KIRREL3: variants seen among roughly 807,000 people sequenced by gnomAD.
KIRREL3 encodes kirre like nephrin family adhesion molecule 3, also known as kin of IRRE-like protein 3.
KIRREL3 carries 36 observed loss-of-function variants against 89.7 expected under a neutral mutation model. The ratio of observed to expected loss-of-function variants is 0.40; its 90% CI spans 0.31 to 0.53. The LOEUF is 0.53. Ranked by LOEUF, KIRREL3 falls within the 20% of genes least tolerant of loss-of-function variation. The pLI, the probability that KIRREL3 is intolerant of heterozygous loss-of-function variation, is 0.49. For missense variants in KIRREL3, 864 were observed against 1,056.6 expected (o/e 0.82, Z 2.53); for synonymous variants, 445 against 441.4 (o/e 1.01, Z -0.10).
rs1377677106 is a variant in KIRREL3 at position 126,872,631 on chromosome 11, A to G, written c.55+127824T>C. On this transcript the variant is annotated intron_variant, in intron 1 of 16. Coordinates refer to ENST00000525144, the MANE Select transcript of KIRREL3 (RefSeq NM_032531.4). The surrounding 1 kb of genome is among the most constrained non-coding windows in gnomAD (Gnocchi z 4.2). Reference sequence around the variant, plus strand: ...CTTAGGCCTTGTTATCTTTGAAAAAATGCTCCAGAGTGTCTATCTTTTCTT... The same window carrying G: ...CTTAGGCCTTGTTATCTTTGAAAAAGTGCTCCAGAGTGTCTATCTTTTCTT... Among the ~76,000 whole-genome samples the G allele has an allele frequency of 1.3e-5, 2 of 152,192 alleles. No homozygotes were observed. The highest frequency in any genetic ancestry group is 4.8e-5 in the African/African-American group (2 of 41,442).
At chr11:126,552,119 C>A (rs77416691) in intron 2 of KIRREL3, among the ~76,000 whole-genome samples, 1,885 of 152,292 alleles carry the variant, frequency 0.012, 28 homozygotes, top group African/African-American at 0.044. Flanking sequence ...ATTTTATAAC[C>A]CATTTTTCGT....
At chr11:126,923,401 TCTTCTTCTTC>T (rs1947554123) in intron 1 of KIRREL3, among the ~76,000 whole-genome samples, 2 of 144,118 alleles carry the variant, frequency 1.4e-5, no homozygotes, top group African/African-American at 2.6e-5. Context: ...TCTTCTTTCT[TCTTCTTCTTC>T]CTTCTTCTTC....
intron 2 of KIRREL3, among the ~76,000 whole-genome samples, chr11:126,540,626 G>A (rs1019469792): frequency 3.9e-5 from 6 of 152,078 alleles, no homozygotes; most frequent in African/African-American, 7.2e-5. Context: ...TTCTTCCATC[G>A]ATCCAGCCAA....
rs1383075199 is a variant in KIRREL3 at position 126,535,187 on chromosome 11, A to G, written c.134-8500T>C. On this transcript the variant is annotated intron_variant, in intron 2 of 16. Coordinates refer to ENST00000525144, the MANE Select transcript of KIRREL3 (RefSeq NM_032531.4). This position sits in a 1 kb window ranked among gnomAD's most constrained non-coding sequence, Gnocchi z 4.5. ...TGTTTCCCCACCCTCCTCCATCGGG[A>G]CTCCTCCTGACTGCTCTTCCCAAAA... Among the ~76,000 whole-genome samples the G allele has an allele frequency of 6.6e-6, 1 of 151,042 alleles. No individual in the cohort carries two copies. The highest frequency in any genetic ancestry group is 1.5e-5 in the Non-Finnish European group (1 of 67,762).
chr11:126,972,565 G>A (rs921177343), intron 1 of KIRREL3, among the ~76,000 whole-genome samples: 2 of 152,196 alleles, frequency 1.3e-5, no homozygotes, highest in African/African-American at 4.8e-5. Flanking sequence ...ACACAGTCAC[G>A]TTACTGAAGG....
At chr11:126,713,480 T>C (rs1405706759) in intron 1 of KIRREL3, among the ~76,000 whole-genome samples, 1 of 151,970 alleles carries the variant, frequency 6.6e-6, no homozygotes, top group Non-Finnish European at 1.5e-5. Context: ...TCAAGGTATG[T>C]AGGAAGATGG....
In KIRREL3 at chr11:126,490,232, C is replaced by T. The variant is rs552839401; in HGVS notation, c.434-16766G>A. On this transcript the variant is annotated intron_variant, in intron 4 of 16. Coordinates refer to ENST00000525144, the MANE Select transcript of KIRREL3 (RefSeq NM_032531.4). This position sits in a 1 kb window ranked among gnomAD's most constrained non-coding sequence, Gnocchi z 4.2. ...TGTGTGTGTGTGTGTGTGTGTGTGG[C>T]GGGGGCGGGGGAGGCAAGGCAGCTT... Among the ~76,000 whole-genome samples the T allele has an allele frequency of 3.0e-3, 238 of 80,538 alleles. No homozygotes were observed. Among genetic ancestry groups the T allele is most frequent in the Non-Finnish European group, 3.7e-3 (152 of 41,194 alleles). The allele number at this position is 80,538 out of a possible 152,430, so 52.8% of individuals were successfully genotyped here. A position where few individuals can be genotyped will look rare whatever the true frequency, so the allele number is the denominator to read the frequency against.
intron 1 of KIRREL3, among the ~76,000 whole-genome samples, chr11:126,863,330 TG>T (rs1944765504): frequency 6.6e-6 from 1 of 152,102 alleles, no homozygotes; most frequent in African/African-American, 2.4e-5. Context: ...TATGAATATG[TG>T]GGGAGGTGGG....
At position 126,528,359 on chromosome 11, in the gene KIRREL3, A is replaced by T. The variant is rs1003139671; in HGVS notation, c.134-1672T>A. On this transcript the variant is annotated intron_variant, in intron 2 of 16. Coordinates refer to ENST00000525144, the MANE Select transcript of KIRREL3 (RefSeq NM_032531.4). This position sits in a 1 kb window ranked among gnomAD's most constrained non-coding sequence, Gnocchi z 4.6. ...GCTCTCAGCAACAGATGACCCCAAG[A>T]GGGAGACACTTGGTGTGTATCAACC... Among the ~76,000 whole-genome samples, 3 of 152,198 alleles carry T rather than the reference A, an allele frequency of 2.0e-5. No individual in the cohort carries two copies. The highest frequency in any genetic ancestry group is 2.0e-4 in the Admixed American group (3 of 15,284).
Position 126,566,428 on chromosome 11 carries a change from C to A in KIRREL3, c.56-3516G>T, listed in dbSNP as rs1940524809. On this transcript the variant is annotated intron_variant, in intron 1 of 16. Transcript: ENST00000525144. The surrounding 1 kb of genome is among the most constrained non-coding windows in gnomAD (Gnocchi z 4.9). ...GTAGGACCAAGCACAGTGCCTGACA[C>A]ATGGTAAGTGCTCAGGAACAGTCTG... is the stretch of plus-strand genomic sequence containing the variant. Among the ~76,000 whole-genome samples the A allele has an allele frequency of 6.6e-6, 1 of 152,180 alleles. No homozygotes were observed. The highest frequency in any genetic ancestry group is 6.5e-5 in the Admixed American group (1 of 15,284).
rs1481559746 is a variant in KIRREL3 at position 126,622,898 on chromosome 11, C to T, written c.56-59986G>A. Among the ~76,000 whole-genome samples the T allele has an allele frequency of 4.6e-5, 7 of 152,152 alleles. No individual in the cohort carries two copies. Among genetic ancestry groups the T allele is most frequent in the Non-Finnish European group, 7.3e-5 (5 of 68,038 alleles). On this transcript the variant is annotated intron_variant, in intron 1 of 16. Transcript: ENST00000525144. This position sits in a 1 kb window ranked among gnomAD's most constrained non-coding sequence, Gnocchi z 5.2. ...TTTTCATCCTTATGAAAAGCAGATA[C>T]TATCATTAGCTACATTTCATAATGA... is the stretch of plus-strand genomic sequence containing the variant.
chr11:126,650,814 G>A (rs1385172872), intron 1 of KIRREL3, among the ~76,000 whole-genome samples: 1 of 152,084 alleles, frequency 6.6e-6, no homozygotes. Flanking sequence ...CCAATTTACT[G>A]TATTAGTCTG....
At position 126,443,888 on chromosome 11, in the gene KIRREL3, G is replaced by C. The variant is rs780106216; in HGVS notation, c.1252+1091C>G. Among the ~76,000 whole-genome samples the C allele has an allele frequency of 2.6e-5, 4 of 152,148 alleles. No individual in the cohort carries two copies. Among genetic ancestry groups the C allele is most frequent in the Non-Finnish European group, 1.5e-5 (1 of 68,034 alleles). On this transcript the variant is annotated intron_variant, in intron 10 of 16. Transcript: ENST00000525144. The surrounding 1 kb of genome is among the most constrained non-coding windows in gnomAD (Gnocchi z 7.3). ...CTGAGTCAGGCTATGGTGGGAACAG[G>C]GGCCTCCCAAAGGGCAGTGGGCATG... is the stretch of plus-strand genomic sequence containing the variant.
rs187188652 is a variant in KIRREL3 at position 126,776,956 on chromosome 11, T to C, written c.56-214044A>G. ...TGGATTTGCAATCACAGATGCCCCA[T>C]GTGGCTTCTTGAGAGATGTCAGGAC... On this transcript the variant is annotated intron_variant, in intron 1 of 16. Coordinates refer to ENST00000525144, the MANE Select transcript of KIRREL3 (RefSeq NM_032531.4). The surrounding 1 kb of genome is among the most constrained non-coding windows in gnomAD (Gnocchi z 4.7). 1.4e-3 allele frequency among the ~76,000 whole-genome samples: 210 copies of C among 152,320 alleles called. 1 individual carries two copies. The highest frequency in any genetic ancestry group is 1.4e-3 in the Admixed American group (21 of 15,310).
intron 1 of KIRREL3, among the ~76,000 whole-genome samples, chr11:126,836,911 T>A (rs1461910773): frequency 2.0e-5 from 3 of 152,214 alleles, no homozygotes; most frequent in Non-Finnish European, 4.4e-5. Context: ...CTTATTTGTG[T>A]GCTGCCTTCT....
At chr11:126,840,556 G>A (rs55692814) in intron 1 of KIRREL3, among the ~76,000 whole-genome samples, 33,658 of 152,162 alleles carry the variant, frequency 0.22, 4,572 homozygotes, top group Non-Finnish European at 0.31. Flanking sequence ...TTCACGCTCC[G>A]ATTTCAGTTC....
rs1335386825 is a variant in KIRREL3 at position 126,905,156 on chromosome 11, G to A, written c.55+95299C>T. Reference sequence around the variant, plus strand: ...ATACCACACAGCTCAGCTTGCAGAGGAGGAACGGGGCTTGATTCCATGGCT... The same window carrying A: ...ATACCACACAGCTCAGCTTGCAGAGAAGGAACGGGGCTTGATTCCATGGCT... On this transcript the variant is annotated intron_variant, in intron 1 of 16. Coordinates refer to ENST00000525144, the MANE Select transcript of KIRREL3 (RefSeq NM_032531.4). The surrounding 1 kb of genome is among the most constrained non-coding windows in gnomAD (Gnocchi z 5.0). Among the ~76,000 whole-genome samples, 1 of 152,208 alleles carries A rather than the reference G, an allele frequency of 6.6e-6. No homozygotes were observed. The highest frequency in any genetic ancestry group is 1.9e-4 in the East Asian group (1 of 5,196).
chr11:126,464,343 AC>A (rs1167330606), intron 5 of KIRREL3, among the ~76,000 whole-genome samples: 1 of 82,732 alleles, frequency 1.2e-5, no homozygotes, highest in East Asian at 6.3e-4. Context: ...TCCTGTCACT[AC>A]CAAAAAAAAA....
At chr11:126,781,496 C>T (rs1228618053) in intron 1 of KIRREL3, among the ~76,000 whole-genome samples, 1 of 152,182 alleles carries the variant, frequency 6.6e-6, no homozygotes, top group African/African-American at 2.4e-5. Flanking sequence ...TTGTTTCATG[C>T]TCCCTCCCTT....
Sources: gnomAD v4.1 joint callset for allele counts (sites outside exome capture counted in the v4.1 genomes callset) on GRCh38, gnomAD v4.1.1 for gene constraint, Gnocchi (gnomAD v3.1) non-coding constraint, MANE v1.5 for transcripts, NCBI Gene and HGNC (gene_info 2026-07-23, HGNC 2026-07-21) for gene names.